Variants in TUSC3 observed in about 807,000 individuals in gnomAD.
TUSC3 encodes the protein dolichyl-diphosphooligosaccharide--protein glycosyltransferase subunit TUSC3.
A neutral mutation model predicts 44.8 loss-of-function variants in TUSC3; 45 were observed. That is an observed-to-expected ratio of 1.00 (90% CI 0.79 to 1.29). The LOEUF is 1.29. TUSC3 is among the 50% of genes most tolerant of loss of function. The pLI is 0.00. For missense variants in TUSC3, 519 were observed against 437.9 expected, an observed-to-expected ratio of 1.19 and a Z score of -1.65; for synonymous variants, 212 against 152.9, an observed-to-expected ratio of 1.39 and a Z score of -2.85.
intron 1 of TUSC3, among the ~76,000 whole-genome samples, chr8:15,446,902 A>G (rs1382121689): frequency 2.8e-5 from 1 of 35,388 alleles, no homozygotes; most frequent in African/African-American, 4.3e-5. Context: ...AGGTAACAGA[A>G]AAAAAAACAA....
chr8:15,791,724 T>G, the TUSC3 span, among the ~76,000 whole-genome samples: 3 of 152,188 alleles, frequency 2.0e-5, no homozygotes, highest in African/African-American at 7.2e-5. Context: ...TCATTTAAGC[T>G]CTGCCTTTTA....
chr8:15,688,690 G>A (rs1469545697), intron 6 of TUSC3, among the ~76,000 whole-genome samples: 1 of 152,156 alleles, frequency 6.6e-6, no homozygotes, highest in Non-Finnish European at 1.5e-5. Context: ...TGAGGCTGCT[G>A]TTAGGAGATT....
intron 1 of TUSC3, among the ~76,000 whole-genome samples, chr8:15,426,387 T>G (rs1563247962): frequency 6.6e-6 from 1 of 152,238 alleles, no homozygotes; most frequent in Non-Finnish European, 1.5e-5. Flanking sequence ...TTGATGCCCA[T>G]TAAAAATTCC....
intron 6 of TUSC3, among the ~76,000 whole-genome samples, chr8:15,713,813 G>C (rs560365450): frequency 1.6e-4 from 24 of 152,196 alleles, no homozygotes; most frequent in African/African-American, 5.8e-4. Flanking sequence ...CTGAGGTACT[G>C]GGGGTTTTGG....
At chr8:15,773,188 G>A in the TUSC3 span, among the ~76,000 whole-genome samples, 1 of 152,102 alleles carries the variant, frequency 6.6e-6, no homozygotes, top group Non-Finnish European at 1.5e-5. Context: ...AAGACATAAT[G>A]CTTACTTCCT....
rs35757466 is a variant in TUSC3, at chr8:15,555,276, ATTTTTTT to A, written c.138+14737_138+14743del. The stretch of plus-strand genomic sequence containing the variant: ...GTTCATGTGCCACCATGCCAGGCTA[ATTTTTTT>A]TTTTTTTTTTTTTTTTTTTTTTTTT... On this transcript the variant is annotated intron_variant, in intron 1 of 10. Transcript: ENST00000503731. 3.6e-3 allele frequency among the ~76,000 whole-genome samples: 163 copies of A among 44,874 alleles called. 2 individuals carry two copies. The highest frequency in any genetic ancestry group is 0.016 in the African/African-American group (148 of 9,126). The allele number at this position is 44,874 out of a possible 152,430, so 29.4% of individuals were successfully genotyped here. A position where few individuals can be genotyped will look rare whatever the true frequency, so the allele number is the denominator to read the frequency against.
At chr8:15,672,693 C>CA (rs1219622488) in intron 5 of TUSC3, among the ~76,000 whole-genome samples, 1 of 151,810 alleles carries the variant, frequency 6.6e-6, no homozygotes, top group African/African-American at 2.4e-5. Context: ...TTTTTATAGC[C>CA]AAAAAAAGTG....
intron 5 of TUSC3, among the ~76,000 whole-genome samples, chr8:15,666,277 C>G (rs1245821228): frequency 2.0e-5 from 3 of 151,410 alleles, no homozygotes; most frequent in Non-Finnish European, 3.0e-5. Context: ...AGGATATGCA[C>G]TTAAAAGCAT....
At chr8:15,564,839 A>C (rs1233094735) in intron 1 of TUSC3, among the ~76,000 whole-genome samples, 1 of 152,044 alleles carries the variant, frequency 6.6e-6, no homozygotes, top group Non-Finnish European at 1.5e-5. Flanking sequence ...TCTTGTTTGC[A>C]TCACAAGCTT....
At chr8:15,561,181 T>C (rs1284474984) in intron 1 of TUSC3, among the ~76,000 whole-genome samples, 5 of 119,848 alleles carry the variant, frequency 4.2e-5, no homozygotes, top group East Asian at 2.9e-4. Context: ...GATGGGTTTT[T>C]GGTGTGGATG....
chr8:15,778,223 C>G, the TUSC3 span, among the ~76,000 whole-genome samples: 1 of 152,142 alleles, frequency 6.6e-6, no homozygotes, highest in African/African-American at 2.4e-5. Context: ...TCCATAAAGA[C>G]CTGATTTACT....
At chr8:15,833,842 T>TAA in the TUSC3 span, among the ~76,000 whole-genome samples, 1 of 148,864 alleles carries the variant, frequency 6.7e-6, no homozygotes, top group Non-Finnish European at 1.5e-5. Context: ...ACTTAAAAGT[T>TAA]AAAAAAAAAA....
chr8:15,449,521 G>A (rs1005136745), intron 1 of TUSC3, among the ~76,000 whole-genome samples: 4 of 152,148 alleles, frequency 2.6e-5, no homozygotes, highest in African/African-American at 9.7e-5. Flanking sequence ...GGCAGCTTCA[G>A]GCAGTTGGTT....
chr8:15,807,544 C>T, the TUSC3 span, among the ~76,000 whole-genome samples: 1 of 152,092 alleles, frequency 6.6e-6, no homozygotes, highest in African/African-American at 2.4e-5. Flanking sequence ...GAAAATAAAT[C>T]GTTCTCCCAA....
chr8:15,686,115 A>G (rs949090456), intron 6 of TUSC3, among the ~76,000 whole-genome samples: 1 of 152,176 alleles, frequency 6.6e-6, no homozygotes, highest in African/African-American at 2.4e-5. Flanking sequence ...CTAATGGTCC[A>G]CTTAACAGCA....
intron 1 of TUSC3, among the ~76,000 whole-genome samples, chr8:15,576,449 A>C (rs1803119406): frequency 1.6e-5 from 2 of 122,254 alleles, no homozygotes; most frequent in Admixed American, 8.3e-5. Flanking sequence ...TCCCAATGCT[A>C]TCCCTCCCCC....
the TUSC3 span, among the ~76,000 whole-genome samples, chr8:15,794,830 C>A: frequency 1.3e-5 from 2 of 152,142 alleles, no homozygotes; most frequent in South Asian, 4.1e-4. Flanking sequence ...CTCTCCTTTG[C>A]TCTAGAGAGA....
At chr8:15,806,249 A>G in the TUSC3 span, 3 of 572,668 alleles carry the variant, frequency 5.2e-6, no homozygotes, top group East Asian at 1.1e-4. Flanking sequence ...TTGCCAATTC[A>G]CCTCCAGGTG....
At chr8:15,826,258 G>A in the TUSC3 span, among the ~76,000 whole-genome samples, 12 of 152,196 alleles carry the variant, frequency 7.9e-5, no homozygotes, top group East Asian at 1.5e-3. Flanking sequence ...ACTACTCTGG[G>A]TCATTTGGTT....
Sources: gnomAD v4.1 joint callset for allele counts (sites outside exome capture counted in the v4.1 genomes callset) on GRCh38, gnomAD v4.1.1 for gene constraint, MANE v1.5 for transcripts, NCBI Gene and HGNC (gene_info 2026-07-23, HGNC 2026-07-21) for gene names.